The following CSDE1 variants were observed in gnomAD, a reference collection of about 807,000 sequenced individuals.
CSDE1 encodes the protein cold shock domain-containing protein E1.
CSDE1 carries 17 observed loss-of-function variants against 89.3 expected under a neutral mutation model. That is an observed-to-expected ratio of 0.19 (90% CI 0.13 to 0.29). The LOEUF is 0.29. CSDE1 is among the 10% of genes least tolerant of loss of function. The probability of loss-of-function intolerance (pLI) is 1.00; values close to 1 mark genes in which losing one functional copy is unlikely to be tolerated. For missense variants in CSDE1, 672 were observed against 984.2 expected, an observed-to-expected ratio of 0.68 and a Z score of 4.24; for synonymous variants, 322 against 332.8, an observed-to-expected ratio of 0.97 and a Z score of 0.35.
intron 14 of CSDE1, 145 bp from the exon 15 acceptor site, chr1:114,725,478 A>T (rs557956080): frequency 4.7e-5 from 31 of 666,594 alleles, no homozygotes; most frequent in South Asian, 4.2e-4. Context: ...GTATTGACTC[A>T]TTTAATCCTC....
chr1:114,726,406 T>A lies in CSDE1; in HGVS notation c.1465-20A>T. 6.3e-7 allele frequency: 1 copy of A among 1,596,080 alleles called. No homozygotes were observed. Among genetic ancestry groups the A allele is most frequent in the South Asian group, 1.1e-5 (1 of 87,860 alleles). Reference sequence around the variant, plus strand: ...TTCAACCTGTGAAAATTAAGGATGCTCATTAACACCATATCACTTCCACAC... The same window carrying A: ...TTCAACCTGTGAAAATTAAGGATGCACATTAACACCATATCACTTCCACAC... On this transcript the variant is annotated intron_variant, in intron 13 of 19. Transcript: ENST00000358528.
chr1:114,739,448 C>T (rs1331729343), intron 3 of CSDE1, among the ~76,000 whole-genome samples: 8 of 152,138 alleles, frequency 5.3e-5, no homozygotes, highest in African/African-American at 7.2e-5. Flanking sequence ...TAAAATCTTA[C>T]GGGTAAACAG....
intron 15 of CSDE1, among the ~76,000 whole-genome samples, chr1:114,724,642 T>A (rs1659701015): frequency 6.6e-6 from 1 of 152,228 alleles, no homozygotes; most frequent in Non-Finnish European, 1.5e-5. Flanking sequence ...ATTTTTCACA[T>A]TTAGATTCAT....
intron 2 of CSDE1, among the ~76,000 whole-genome samples, chr1:114,740,210 AAAC>A (rs1455914368): frequency 6.6e-6 from 1 of 152,214 alleles, no homozygotes; most frequent in Non-Finnish European, 1.5e-5. Context: ...AAAATTACTA[AAAC>A]AACAATTTCA....
At chr1:114,757,139 T>TG (rs1661644051) in intron 1 of CSDE1, among the ~76,000 whole-genome samples, 1 of 152,138 alleles carries the variant, frequency 6.6e-6, no homozygotes, top group Non-Finnish European at 1.5e-5. Flanking sequence ...GCCACGTGCC[T>TG]AAAAGATTAG....
intron 9 of CSDE1, 87 bp downstream of exon 9, chr1:114,733,645 T>C: frequency 1.6e-6 from 2 of 1,221,654 alleles, no homozygotes; most frequent in Non-Finnish European, 2.3e-6. Flanking sequence ...TTATATTAAC[T>C]GAATAAGATA....
At chr1:114,738,470 C>A (rs1041331866) in intron 3 of CSDE1, among the ~76,000 whole-genome samples, 3 of 151,816 alleles carry the variant, frequency 2.0e-5, no homozygotes, top group Non-Finnish European at 4.4e-5. Flanking sequence ...CTCCTCTGTA[C>A]CTCAGTTTTC....
intron 12 of CSDE1, among the ~76,000 whole-genome samples, chr1:114,728,580 TTCA>T (rs1443142810): frequency 6.6e-6 from 1 of 152,170 alleles, no homozygotes; most frequent in Non-Finnish European, 1.5e-5. Context: ...AAAGGCTCTC[TTCA>T]TCAAGCCAGT....
intron 19 of CSDE1, 72 bp downstream of exon 19, chr1:114,718,541 T>G: frequency 6.5e-7 from 1 of 1,548,660 alleles, no homozygotes; most frequent in Non-Finnish European, 8.7e-7. Context: ...CCTGACCTAT[T>G]GTTTAAATAG....
chr1:114,756,439 A>C (rs1661600544), intron 1 of CSDE1, among the ~76,000 whole-genome samples: 1 of 152,240 alleles, frequency 6.6e-6, no homozygotes, highest in African/African-American at 2.4e-5. Context: ...ATTGGTTAGT[A>C]CCAAAAGAAA....
intron 3 of CSDE1, 23 bp downstream of exon 3, chr1:114,739,669 A>G (rs375934046): frequency 2.5e-6 from 4 of 1,579,684 alleles, no homozygotes; most frequent in African/African-American, 1.3e-5. Context: ...TTACATTTTT[A>G]CAAAGGAGAA....
In CSDE1 at chr1:114,741,570, G is replaced by C. The variant is rs781456472; in HGVS notation, c.1-1680C>G. The C allele has an allele frequency of 6.4e-7, 1 of 1,551,386 alleles. No individual in the cohort carries two copies. Among genetic ancestry groups the C allele is most frequent in the Non-Finnish European group, 8.7e-7 (1 of 1,146,536 alleles). On this transcript the variant is annotated intron_variant, in intron 2 of 19. Coordinates refer to ENST00000358528, the MANE Select transcript of CSDE1 (RefSeq NM_001007553.3). ...GGTCCTCTTTTGTTTTTTAGTCCCA[G>C]ATGAGGTAGAAGATGAAGATAAGGG... is the stretch of plus-strand genomic sequence containing the variant.
At chr1:114,751,019 A>T (rs1003529105) in intron 1 of CSDE1, among the ~76,000 whole-genome samples, 1 of 152,196 alleles carries the variant, frequency 6.6e-6, no homozygotes, top group African/African-American at 2.4e-5. Context: ...GTGAAATAGG[A>T]TATGTAGTGT....
intron 1 of CSDE1, among the ~76,000 whole-genome samples, chr1:114,755,401 C>A (rs1661536886): frequency 6.6e-6 from 1 of 152,134 alleles, no homozygotes; most frequent in Non-Finnish European, 1.5e-5. Flanking sequence ...GGTTATGTAC[C>A]GGCTGTAGCT....
At chr1:114,726,813 TGACA>T (rs1047821581) in intron 13 of CSDE1, among the ~76,000 whole-genome samples, 166 bp downstream of exon 13, 11 of 152,230 alleles carry the variant, frequency 7.2e-5, no homozygotes, top group African/African-American at 1.9e-4. Flanking sequence ...ACAAAGAGCT[TGACA>T]GACACTTTTA....
intron 16 of CSDE1, among the ~76,000 whole-genome samples, chr1:114,722,677 TG>T (rs1289911893): frequency 2.3e-4 from 35 of 152,042 alleles, no homozygotes; most frequent in African/African-American, 8.0e-4. Flanking sequence ...GACTGGGAAG[TG>T]GGGATGGAAA....
At chr1:114,750,729 A>T (rs902779713) in intron 1 of CSDE1, among the ~76,000 whole-genome samples, 1 of 152,234 alleles carries the variant, frequency 6.6e-6, no homozygotes, top group African/African-American at 2.4e-5. Context: ...AAAGCAACCA[A>T]GGCTTTTAAA....
At chr1:114,725,829 T>C (rs1659761178) in intron 14 of CSDE1, among the ~76,000 whole-genome samples, 2 of 151,906 alleles carry the variant, frequency 1.3e-5, no homozygotes, top group Non-Finnish European at 2.9e-5. Context: ...GGAGATGGAG[T>C]TTCACCGTGT....
intron 7 of CSDE1, 36 bp from the exon 8 acceptor site, chr1:114,734,153 A>C: frequency 6.3e-7 from 1 of 1,587,388 alleles, no homozygotes; most frequent in Non-Finnish European, 8.5e-7. Flanking sequence ...CATTATTACC[A>C]CTCTGTACAA....
Sources: allele counts gnomAD v4.1 joint callset (sites outside exome capture counted in the v4.1 genomes callset), GRCh38; gene constraint gnomAD v4.1.1; transcripts MANE v1.5; gene names NCBI Gene and HGNC (gene_info 2026-07-23, HGNC 2026-07-21).